KLHDC10: variants seen among roughly 807,000 people sequenced by gnomAD.
KLHDC10 encodes kelch domain-containing protein 10.
Under a neutral mutation model 56.1 loss-of-function variants are expected in KLHDC10, and 24 were observed. That is an observed-to-expected ratio of 0.43 (90% CI 0.31 to 0.60). The LOEUF (loss-of-function observed/expected upper bound fraction) is 0.60, where lower values mean the gene tolerates loss of function less well. Among genes scored for constraint, KLHDC10 ranks in the 20% least tolerant of loss-of-function variants. KLHDC10 has a pLI of 0.11. For missense variants in KLHDC10, 349 were observed against 567.0 expected (o/e 0.62, Z 3.91); for synonymous variants, 188 against 207.1 (o/e 0.91, Z 0.79).
intron 8 of KLHDC10, among the ~76,000 whole-genome samples, chr7:130,128,919 T>TATATATATACACAC (rs1292651924): frequency 8.6e-6 from 1 of 115,716 alleles, no homozygotes; most frequent in Non-Finnish European, 1.8e-5. Context: ...TATATATATA[T>TATATATATACACAC]ACATACTAGC....
chr7:130,109,621 ACTATC>A (rs990938883), intron 2 of KLHDC10, among the ~76,000 whole-genome samples: 47 of 151,988 alleles, frequency 3.1e-4, no homozygotes, highest in African/African-American at 1.1e-3. Flanking sequence ...TTATTTTGCC[ACTATC>A]CTAATAATGT....
rs1263541625 is a variant in KLHDC10, at chr7:130,094,736, G to A, written c.167-2185G>A. Among the ~76,000 whole-genome samples, 3 of 152,224 alleles carry A rather than the reference G, an allele frequency of 2.0e-5. No individual in the cohort carries two copies. In the East Asian group the frequency reaches 5.8e-4, roughly 29 times the overall value. ...TTTTGTATATACTCTTCAGTGGTAT[G>A]TAGAATATGAGCATATTTAAGTATG... On this transcript the variant is annotated intron_variant, in intron 1 of 9. Coordinates refer to ENST00000335420, the MANE Select transcript of KLHDC10 (RefSeq NM_014997.4).
rs187047021 is a variant in KLHDC10 at position 130,079,372 on chromosome 7, T to A, written c.166+8563T>A. Among the ~76,000 whole-genome samples, 180 of 152,266 alleles carry A rather than the reference T, an allele frequency of 1.2e-3. 2 individuals carry two copies. Among genetic ancestry groups the A allele is most frequent in the Non-Finnish European group, 2.1e-3 (144 of 68,020 alleles). ...CATGCCAGGCCTAAAGTATTTTTTT[T>A]AATAAATACTTTATTTAAAAAATGT... On this transcript the variant is annotated intron_variant, in intron 1 of 9. Coordinates refer to ENST00000335420, the MANE Select transcript of KLHDC10 (RefSeq NM_014997.4).
At chr7:130,125,799 CCTTTTTCAGG>C (rs1796307871) in intron 6 of KLHDC10, 56 bp from the exon 7 acceptor site, 6 of 1,259,890 alleles carry the variant, frequency 4.8e-6, no homozygotes, top group Non-Finnish European at 5.6e-6. Context: ...TTTAAAAAAT[CCTTTTTCAGG>C]CTAGCTAAAA....
At chr7:130,108,140 A>T (rs1796040956) in intron 2 of KLHDC10, among the ~76,000 whole-genome samples, 1 of 151,918 alleles carries the variant, frequency 6.6e-6, no homozygotes, top group Non-Finnish European at 1.5e-5. Context: ...GAGGTGGGAG[A>T]ATCGCCTGAA....
rs967991383 is a variant in KLHDC10 at position 130,114,146 on chromosome 7, C to G, written c.254-2299C>G. 3.9e-5 allele frequency among the ~76,000 whole-genome samples: 6 copies of G among 152,146 alleles called. No homozygotes were observed. In the East Asian group the frequency reaches 1.2e-3, roughly 29 times the overall value. On this transcript the variant is annotated intron_variant, in intron 2 of 9. Coordinates refer to ENST00000335420, the MANE Select transcript of KLHDC10 (RefSeq NM_014997.4). ...TTTAGTACCTGTTTTTAGGTACTAA[C>G]TGTTTTAGGTGTTGTGGGTGATACA...
chr7:130,114,641 A>G (rs75345987), intron 2 of KLHDC10, among the ~76,000 whole-genome samples: 4,064 of 152,190 alleles, frequency 0.027, 186 homozygotes, highest in African/African-American at 0.093. Context: ...TAAATAGTAA[A>G]TTTGCCAACT....
rs751921927 is a variant in KLHDC10, at chr7:130,127,423, G to T, written c.951G>T (p.Arg317Ser). ...TGGCAGGCTTTCCTGCAGCCCGAAG[G>T]TGTCACAGTTGTGTTCAAATAAAAA... ...HEKIGFPAAR[R>S]CHSCVQIKND... The change falls in exon 8 of 10, where the codon AGG becomes AGT. Residue 317 changes from arginine (R) to serine (S), a missense_variant. Physicochemically the swap from Arg to Ser is moderately radical, Grantham distance 110. Transcript: ENST00000335420. 6.2e-7 allele frequency: 1 copy of T among 1,613,586 alleles called. No homozygotes were observed.
chr7:130,090,518 G>A (rs1004379728), intron 1 of KLHDC10, among the ~76,000 whole-genome samples: 1 of 151,842 alleles, frequency 6.6e-6, no homozygotes, highest in Non-Finnish European at 1.5e-5. Flanking sequence ...AGCCCACGAG[G>A]TGGAGGTTGC....
At chr7:130,090,127 C>T (rs890148593) in intron 1 of KLHDC10, among the ~76,000 whole-genome samples, 3 of 152,010 alleles carry the variant, frequency 2.0e-5, no homozygotes, top group East Asian at 1.9e-4. Context: ...GTGATCTGCC[C>T]GCCTTGGCCT....
At chr7:130,071,738 A>T (rs1795413921) in intron 1 of KLHDC10, among the ~76,000 whole-genome samples, 1 of 152,224 alleles carries the variant, frequency 6.6e-6, no homozygotes, top group Admixed American at 6.5e-5. Context: ...TGTGTTAATT[A>T]TTCATCGTGT....
chr7:130,110,650 T>C (rs1796087552), intron 2 of KLHDC10, among the ~76,000 whole-genome samples: 1 of 152,194 alleles, frequency 6.6e-6, no homozygotes, highest in Admixed American at 6.5e-5. Context: ...TCCTTGAGGC[T>C]TCTAGGTCCA....
chr7:130,127,647 C>T (rs1796331992), intron 8 of KLHDC10, among the ~76,000 whole-genome samples, 196 bp downstream of exon 8: 1 of 152,108 alleles, frequency 6.6e-6, no homozygotes, highest in African/African-American at 2.4e-5. Flanking sequence ...TGTTTGGGTT[C>T]CTTCAGTTAT....
chr7:130,106,112 C>T (rs1187687092), intron 2 of KLHDC10, among the ~76,000 whole-genome samples: 1 of 152,104 alleles, frequency 6.6e-6, no homozygotes, highest in Non-Finnish European at 1.5e-5. Flanking sequence ...CGCCGTTGCA[C>T]TCCAGCCTGG....
chr7:130,113,354 C>T (rs913343215), intron 2 of KLHDC10, among the ~76,000 whole-genome samples: 18 of 147,390 alleles, frequency 1.2e-4, no homozygotes, highest in East Asian at 6.0e-4. Context: ...TTTTTTGAGA[C>T]GGAGTTTTGC....
rs1036348950 is a variant in KLHDC10 at position 130,133,170 on chromosome 7, A to G, written c.*2424A>G. ...GTGCTATAGAACCACACATGTGTAC[A>G]TGTTCTGGATGCCAAATGAGACTGT... On this transcript the variant is annotated 3_prime_UTR_variant, in exon 10 of 10. Coordinates refer to ENST00000335420, the MANE Select transcript of KLHDC10 (RefSeq NM_014997.4). 6.6e-6 allele frequency: 1 copy of G among 152,258 alleles called. No homozygotes were observed. The highest frequency in any genetic ancestry group is 2.4e-5 in the African/African-American group (1 of 41,464). 9.4% of individuals were successfully genotyped at this position (152,258 alleles called of 1,614,324 possible). A position where few individuals can be genotyped will look rare whatever the true frequency, so the allele number is the denominator to read the frequency against.
chr7:130,086,036 A>T (rs905054490), intron 1 of KLHDC10, among the ~76,000 whole-genome samples: 2 of 152,100 alleles, frequency 1.3e-5, no homozygotes, highest in African/African-American at 4.8e-5. Flanking sequence ...ATTACTTAGA[A>T]TTTTGAGGTG....
chr7:130,097,804 G>A (rs1380580988), intron 2 of KLHDC10, among the ~76,000 whole-genome samples: 1 of 152,036 alleles, frequency 6.6e-6, no homozygotes, highest in Admixed American at 6.6e-5. Context: ...CTTTGACCTA[G>A]CAGTTTTTAC....
In KLHDC10 at chr7:130,107,610, G is replaced by A. The variant is rs572250557; in HGVS notation, c.254-8835G>A. 1.2e-3 allele frequency among the ~76,000 whole-genome samples: 178 copies of A among 152,152 alleles called. 4 individuals carry two copies. In the South Asian group the frequency reaches 0.018, roughly 15 times the overall value. On this transcript the variant is annotated intron_variant, in intron 2 of 9. Transcript: ENST00000335420. ...TGTAATCCCAGCGCTTTGGGAGGCC[G>A]AGGTGGGCGGTTCACGTGGGGTCAA...
Sources: allele counts gnomAD v4.1 joint callset (sites outside exome capture counted in the v4.1 genomes callset), GRCh38; gene constraint gnomAD v4.1.1; transcripts MANE v1.5; gene names NCBI Gene and HGNC (gene_info 2026-07-23, HGNC 2026-07-21).